WWOX: variants seen among roughly 807,000 people sequenced by gnomAD.
WWOX encodes the protein WW domain containing oxidoreductase.
A neutral mutation model predicts 46.2 loss-of-function variants in WWOX; 69 were observed. That is an observed-to-expected ratio of 1.49 (90% confidence interval 1.23 to 1.82). WWOX has a LOEUF of 1.82. WWOX is among the 40% of genes most tolerant of loss of function. The pLI, the probability that WWOX is intolerant of heterozygous loss-of-function variation, is 0.00. For missense variants in WWOX, 919 were observed against 542.6 expected (o/e 1.69, Z -6.89); for synonymous variants, 359 against 202.6 (o/e 1.77, Z -6.56).
At chr16:78,759,837 G>T (rs7499531) in intron 8 of WWOX, among the ~76,000 whole-genome samples, 3,653 of 152,226 alleles carry the variant, frequency 0.024, 87 homozygotes, top group African/African-American at 0.058. Flanking sequence ...ATGTTGGCAG[G>T]CCTTAGGGGA....
At chr16:78,998,131 C>T (rs1258633042) in intron 8 of WWOX, among the ~76,000 whole-genome samples, 1 of 152,190 alleles carries the variant, frequency 6.6e-6, no homozygotes, top group African/African-American at 2.4e-5. Flanking sequence ...CCCGCCTCGG[C>T]CTCCCAAAGT....
intron 8 of WWOX, among the ~76,000 whole-genome samples, chr16:79,181,615 A>G (rs1285533052): frequency 6.6e-6 from 1 of 152,110 alleles, no homozygotes; most frequent in Non-Finnish European, 1.5e-5. Context: ...AAGTTTGCTT[A>G]ACATCCCCCT....
At chr16:78,853,764 C>G (rs998323501) in intron 8 of WWOX, among the ~76,000 whole-genome samples, 8 of 152,010 alleles carry the variant, frequency 5.3e-5, no homozygotes, top group African/African-American at 1.4e-4. Flanking sequence ...TATCTACATC[C>G]CAGGGAGGTT....
chr16:78,412,740 G>T (rs1003753931), intron 6 of WWOX, among the ~76,000 whole-genome samples: 1 of 152,194 alleles, frequency 6.6e-6, no homozygotes, highest in Non-Finnish European at 1.5e-5. Flanking sequence ...TCGCCAGGCA[G>T]TTTTGAGAGG....
intron 8 of WWOX, among the ~76,000 whole-genome samples, chr16:78,528,891 A>G (rs996955199): frequency 6.6e-6 from 1 of 151,574 alleles, no homozygotes; most frequent in Non-Finnish European, 1.5e-5. Flanking sequence ...ATAGATGGAG[A>G]GTCAGTTGTT....
chr16:79,072,002 G>A (rs1040219461), intron 8 of WWOX, among the ~76,000 whole-genome samples: 1 of 152,114 alleles, frequency 6.6e-6, no homozygotes. Flanking sequence ...ATGCTTATAC[G>A]CCGGCCATGG....
At chr16:78,696,702 G>A (rs749903082) in intron 8 of WWOX, among the ~76,000 whole-genome samples, 5 of 151,992 alleles carry the variant, frequency 3.3e-5, no homozygotes, top group Admixed American at 6.6e-5. Context: ...GGTACAGGTG[G>A]TATTTGGTTA....
intron 8 of WWOX, among the ~76,000 whole-genome samples, chr16:78,477,879 T>A (rs2084390427): frequency 6.6e-6 from 1 of 152,168 alleles, no homozygotes; most frequent in African/African-American, 2.4e-5. Context: ...ATAATATTAG[T>A]GGGAGGAAGT....
At chr16:79,091,775 C>CTTTTCT (rs771753213) in intron 8 of WWOX, among the ~76,000 whole-genome samples, 1 of 126,854 alleles carries the variant, frequency 7.9e-6, no homozygotes, top group South Asian at 2.6e-4. Context: ...CTTTTCTTTT[C>CTTTTCT]TTTGTTTTTT....
At chr16:78,484,125 C>T (rs1277010525) in intron 8 of WWOX, among the ~76,000 whole-genome samples, 2 of 152,142 alleles carry the variant, frequency 1.3e-5, no homozygotes, top group African/African-American at 4.8e-5. Context: ...TGTCTTTTTG[C>T]ATATGTATGT....
intron 5 of WWOX, among the ~76,000 whole-genome samples, chr16:78,181,980 T>C (rs1036664513): frequency 1.3e-5 from 2 of 152,134 alleles, no homozygotes; most frequent in African/African-American, 4.8e-5. Context: ...CGCACCAGGC[T>C]CCACTTACGA....
chr16:79,008,010 A>T (rs2047223241), intron 8 of WWOX, among the ~76,000 whole-genome samples: 1 of 152,244 alleles, frequency 6.6e-6, no homozygotes, highest in South Asian at 2.1e-4. Flanking sequence ...ATAGGTTAAA[A>T]GTCCTGGTTC....
At chr16:78,579,265 A>T (rs1402329583) in intron 8 of WWOX, among the ~76,000 whole-genome samples, 4 of 152,094 alleles carry the variant, frequency 2.6e-5, no homozygotes, top group Admixed American at 2.6e-4. Flanking sequence ...CGTCAAGGAG[A>T]TAAGTACTTA....
chr16:78,397,786 A>C (rs552013973), intron 6 of WWOX, among the ~76,000 whole-genome samples: 3 of 152,222 alleles, frequency 2.0e-5, no homozygotes, highest in Admixed American at 6.5e-5. Flanking sequence ...CAACCTCCCA[A>C]ACTGCTGGGA....
intron 8 of WWOX, among the ~76,000 whole-genome samples, chr16:78,468,122 C>G (rs761902316): frequency 3.3e-5 from 5 of 152,164 alleles, no homozygotes; most frequent in African/African-American, 9.7e-5. Context: ...TTCATGGCCT[C>G]TGGGAGTCCA....
Position 78,295,911 on chromosome 16 carries a change from T to C in WWOX, c.517-90949T>C, listed in dbSNP as rs1277589606. On this transcript the variant is annotated intron_variant, in intron 5 of 8. Coordinates refer to ENST00000566780, the MANE Select transcript of WWOX (RefSeq NM_016373.4). ...CAGATGATGTTGATGATGATGCCTG[T>C]TTGGGTATCACATTAGATGAAGGGC... 2.0e-5 allele frequency among the ~76,000 whole-genome samples: 3 copies of C among 152,314 alleles called. No individual in the cohort carries two copies. In the East Asian group the frequency reaches 5.8e-4, roughly 29 times the overall value.
At position 78,559,465 on chromosome 16, in the gene WWOX, C is replaced by T. The variant is rs180777877; in HGVS notation, c.1056+126713C>T. Among the ~76,000 whole-genome samples the T allele has an allele frequency of 7.3e-5, 11 of 150,678 alleles. No homozygotes were observed. In the East Asian group the frequency reaches 2.1e-3, roughly 29 times the overall value. On this transcript the variant is annotated intron_variant, in intron 8 of 8. Coordinates refer to ENST00000566780, the MANE Select transcript of WWOX (RefSeq NM_016373.4). ...TGAGACTGGGAGAAAGAGATGTTCT[C>T]CAGCCAATGGATTTATGAAATGAAT...
intron 6 of WWOX, among the ~76,000 whole-genome samples, chr16:78,421,659 T>C (rs1161497908): frequency 6.6e-6 from 1 of 152,004 alleles, no homozygotes; most frequent in Non-Finnish European, 1.5e-5. Context: ...GGATGGGAGG[T>C]TGCTATGGGA....
chr16:78,803,970 G>A (rs865862891), intron 8 of WWOX, among the ~76,000 whole-genome samples: 7 of 152,022 alleles, frequency 4.6e-5, no homozygotes, highest in Non-Finnish European at 1.0e-4. Flanking sequence ...GAAGGAAGGC[G>A]CCCCTCCTTC....
Sources: allele counts gnomAD v4.1 joint callset (sites outside exome capture counted in the v4.1 genomes callset), GRCh38; gene constraint gnomAD v4.1.1; transcripts MANE v1.5; gene names NCBI Gene and HGNC (gene_info 2026-07-23, HGNC 2026-07-21).